Variants in CACNA2D3 observed in about 807,000 individuals in gnomAD.
The protein encoded by CACNA2D3 is calcium voltage-gated channel auxiliary subunit alpha2delta 3.
In CACNA2D3, 60 loss-of-function variants were observed where a neutral mutation model predicts 160.6. The observed-to-expected ratio is 0.37, with a 90% CI of 0.30 to 0.46. The LOEUF (loss-of-function observed/expected upper bound fraction) is 0.46. Ranked by LOEUF, CACNA2D3 falls within the 20% of genes least tolerant of loss-of-function variation. The probability of loss-of-function intolerance (pLI) is 1.00; values close to 1 mark genes in which losing one functional copy is unlikely to be tolerated. For synonymous variants in CACNA2D3, 558 were observed against 492.9 expected (o/e 1.13, Z -1.75); for missense variants, 1,205 against 1,365.0 (o/e 0.88, Z 1.85).
rs1335192557 is a variant in CACNA2D3 at position 55,004,748 on chromosome 3, A to G, written c.2691-15A>G. ...TTCTCATTTAGTGAAGCTCCCTTCC[A>G]TTTCTTTCCTGTAGAATTACCCTTT... is the stretch of plus-strand genomic sequence containing the variant. On this transcript the variant is annotated splice_polypyrimidine_tract_variant and intron_variant, in intron 31 of 37. Transcript: ENST00000474759. The G allele has an allele frequency of 2.5e-6, 4 of 1,597,906 alleles. No individual in the cohort carries two copies. In the East Asian group the frequency reaches 8.9e-5, roughly 36 times the overall value.
chr3:54,201,767 A>G (rs945279749), intron 2 of CACNA2D3, among the ~76,000 whole-genome samples: 3 of 152,240 alleles, frequency 2.0e-5, no homozygotes, highest in Non-Finnish European at 4.4e-5. Flanking sequence ...TGAATTGACA[A>G]CAGAGAAATC....
chr3:54,945,715 C>T (rs1040265772), intron 27 of CACNA2D3, among the ~76,000 whole-genome samples: 16 of 152,180 alleles, frequency 1.1e-4, no homozygotes, highest in African/African-American at 3.9e-4. Context: ...CTATCACTAC[C>T]CCATTAGGTG....
rs141448669 is a variant in CACNA2D3, at chr3:54,445,365, A to G, written c.382-58127A>G. 2.3e-3 allele frequency among the ~76,000 whole-genome samples: 357 copies of G among 152,326 alleles called. 3 individuals are homozygous for G. The highest frequency in any genetic ancestry group is 8.4e-3 in the African/African-American group (348 of 41,576). ...CTCAGGCCGAGCAAAACATGCCTGC[A>G]ACATGAGTTCAGCCTGGAGTCTTGA... On this transcript the variant is annotated intron_variant, in intron 4 of 37. Coordinates refer to ENST00000474759, the MANE Select transcript of CACNA2D3 (RefSeq NM_018398.3).
chr3:54,943,390 A>C (rs535111018), intron 27 of CACNA2D3, among the ~76,000 whole-genome samples: 1 of 152,044 alleles, frequency 6.6e-6, no homozygotes, highest in Non-Finnish European at 1.5e-5. Flanking sequence ...ATGTGTATTT[A>C]CTTCCTTTAA....
chr3:54,729,998 C>CAAA (rs56364535), intron 11 of CACNA2D3, among the ~76,000 whole-genome samples: 2 of 109,488 alleles, frequency 1.8e-5, no homozygotes, highest in African/African-American at 3.8e-5. Context: ...GACTCCATCT[C>CAAA]AAAAAAAAAA....
At chr3:54,534,884 A>AC (rs1378800846) in intron 5 of CACNA2D3, among the ~76,000 whole-genome samples, 1 of 152,166 alleles carries the variant, frequency 6.6e-6, no homozygotes, top group East Asian at 1.9e-4. Context: ...CTGAGATTGC[A>AC]CCACTGCACT....
At chr3:54,264,040 G>GA (rs2107442622) in intron 2 of CACNA2D3, among the ~76,000 whole-genome samples, 1 of 152,314 alleles carries the variant, frequency 6.6e-6, no homozygotes, top group South Asian at 2.1e-4. Context: ...GCAGAAGGAA[G>GA]AGACCCAGCA....
chr3:54,780,391 A>C (rs770882926), intron 13 of CACNA2D3, among the ~76,000 whole-genome samples: 2 of 152,222 alleles, frequency 1.3e-5, no homozygotes, highest in Non-Finnish European at 2.9e-5. Context: ...TGTTGGGGAA[A>C]AGATTGATTG....
chr3:54,234,524 A>G (rs1479161022), intron 2 of CACNA2D3, among the ~76,000 whole-genome samples: 2 of 152,222 alleles, frequency 1.3e-5, no homozygotes, highest in Non-Finnish European at 2.9e-5. Flanking sequence ...ATCCAGAGGA[A>G]TATAAATTAT....
intron 27 of CACNA2D3, among the ~76,000 whole-genome samples, chr3:54,911,798 C>G (rs1049346447): frequency 2.6e-5 from 4 of 152,204 alleles, no homozygotes; most frequent in Admixed American, 2.0e-4. Flanking sequence ...CCAAAACTCT[C>G]TATTGACTTC....
chr3:54,472,747 TAAAC>T (rs1468551455), intron 4 of CACNA2D3, among the ~76,000 whole-genome samples: 3 of 151,988 alleles, frequency 2.0e-5, no homozygotes, highest in Non-Finnish European at 2.9e-5. Context: ...CAATAATAGA[TAAAC>T]AGAGAGCCAA....
chr3:54,739,930 C>T lies in CACNA2D3; in HGVS notation c.1168-12669C>T, dbSNP rs558869846. Among the ~76,000 whole-genome samples, 14 of 152,238 alleles carry T rather than the reference C, an allele frequency of 9.2e-5. No individual in the cohort carries two copies. In the South Asian group the frequency reaches 1.7e-3, roughly 18 times the overall value. On this transcript the variant is annotated intron_variant, in intron 11 of 37. Coordinates refer to ENST00000474759, the MANE Select transcript of CACNA2D3 (RefSeq NM_018398.3). ...TAAAAAGTATTTCAAGAGCTTACAACTTCCGCAAGGGCAGAGACCATATGG... is the reference window on the plus strand; with the variant it reads ...TAAAAAGTATTTCAAGAGCTTACAATTTCCGCAAGGGCAGAGACCATATGG...
chr3:54,481,044 C>G (rs895605948), intron 4 of CACNA2D3, among the ~76,000 whole-genome samples: 8 of 152,138 alleles, frequency 5.3e-5, no homozygotes, highest in African/African-American at 1.2e-4. Context: ...TGGGGAGAAC[C>G]AGCAAGGTTT....
intron 3 of CACNA2D3, among the ~76,000 whole-genome samples, chr3:54,324,265 T>C (rs1328899368): frequency 1.3e-5 from 2 of 152,218 alleles, no homozygotes; most frequent in African/African-American, 4.8e-5. Flanking sequence ...ATCAGAGTGA[T>C]TTTATCATCC....
intron 17 of CACNA2D3, among the ~76,000 whole-genome samples, chr3:54,849,579 A>G (rs936766354): frequency 3.3e-5 from 5 of 152,224 alleles, no homozygotes; most frequent in African/African-American, 9.6e-5. Context: ...GCTCTCAGGC[A>G]TGGCTAGGAA....
intron 11 of CACNA2D3, among the ~76,000 whole-genome samples, chr3:54,689,010 A>AAAGAG (rs1553785965): frequency 0.091 from 7,735 of 85,086 alleles, 2,457 homozygotes; most frequent in Non-Finnish European, 0.11. Flanking sequence ...AAAAAAAAAA[A>AAAGAG]AGAATGAGGT....
chr3:54,668,892 G>A (rs1477226460), intron 11 of CACNA2D3, among the ~76,000 whole-genome samples: 2 of 152,226 alleles, frequency 1.3e-5, no homozygotes, highest in Admixed American at 6.5e-5. Flanking sequence ...CTGTGAGATA[G>A]CATTTTTAGA....
chr3:54,284,216 AT>A (rs1438721659), intron 2 of CACNA2D3, among the ~76,000 whole-genome samples: 1 of 152,156 alleles, frequency 6.6e-6, no homozygotes, highest in Admixed American at 6.5e-5. Flanking sequence ...ATGTATACAT[AT>A]GTAACAAACC....
chr3:55,068,993 C>G (rs182714339), intron 35 of CACNA2D3, among the ~76,000 whole-genome samples: 1 of 152,286 alleles, frequency 6.6e-6, no homozygotes, highest in East Asian at 1.9e-4. Context: ...TTTCTTCAGA[C>G]TTTCTCCATT....
Sources: gnomAD v4.1 joint callset for allele counts (sites outside exome capture counted in the v4.1 genomes callset) on GRCh38, gnomAD v4.1.1 for gene constraint, MANE v1.5 for transcripts, NCBI Gene and HGNC (gene_info 2026-07-23, HGNC 2026-07-21) for gene names.